Variants in DPYD observed in about 807,000 individuals in gnomAD.
DPYD encodes dihydropyrimidine dehydrogenase [NADP(+)].
DPYD carries 109 observed loss-of-function variants against 116.2 expected under a neutral mutation model. That is an observed-to-expected ratio of 0.94 (90% CI 0.80 to 1.10). The LOEUF (loss-of-function observed/expected upper bound fraction) is 1.10. Ranked by LOEUF, DPYD falls within the 50% of genes least tolerant of loss-of-function variation. The pLI is 0.00. For synonymous variants in DPYD, 440 were observed against 432.0 expected (o/e 1.02, Z -0.23); for missense variants, 1,302 against 1,254.5 (o/e 1.04, Z -0.57).
intron 20 of DPYD, among the ~76,000 whole-genome samples, chr1:97,141,970 G>A (rs747310284): frequency 2.6e-5 from 4 of 152,106 alleles, no homozygotes; most frequent in East Asian, 1.9e-4. Context: ...AACCACACAC[G>A]AAAACTGCTT....
At chr1:97,694,573 T>G (rs1661195001) in intron 6 of DPYD, among the ~76,000 whole-genome samples, 1 of 152,174 alleles carries the variant, frequency 6.6e-6, no homozygotes, top group Admixed American at 6.5e-5. Context: ...TTATCATGCC[T>G]AACAGTAAGC....
At chr1:97,132,369 T>G (rs538073571) in intron 20 of DPYD, among the ~76,000 whole-genome samples, 1 of 152,140 alleles carries the variant, frequency 6.6e-6, no homozygotes, top group Non-Finnish European at 1.5e-5. Context: ...CACTAATCTA[T>G]TCTACCCCAC....
chr1:97,186,927 G>T (rs973416719), intron 20 of DPYD, among the ~76,000 whole-genome samples: 1 of 151,990 alleles, frequency 6.6e-6, no homozygotes, highest in Non-Finnish European at 1.5e-5. Flanking sequence ...TAAAATACAT[G>T]ATTTCATTCT....
intron 20 of DPYD, among the ~76,000 whole-genome samples, chr1:97,142,081 A>T (rs1654266473): frequency 6.6e-6 from 1 of 152,186 alleles, no homozygotes; most frequent in Non-Finnish European, 1.5e-5. Context: ...GAAGCACTCA[A>T]GGTTTATACT....
chr1:97,655,616 C>A (rs1571138578), intron 8 of DPYD, among the ~76,000 whole-genome samples: 1 of 152,120 alleles, frequency 6.6e-6, no homozygotes, highest in South Asian at 2.1e-4. Context: ...ATTTTGGTGA[C>A]AACAATAAAA....
At chr1:97,181,554 A>C (rs1427566765) in intron 20 of DPYD, among the ~76,000 whole-genome samples, 2 of 152,142 alleles carry the variant, frequency 1.3e-5, no homozygotes, top group Non-Finnish European at 2.9e-5. Context: ...TTCAAAAGAC[A>C]AAGATGCTAG....
intron 16 of DPYD, among the ~76,000 whole-genome samples, chr1:97,308,756 T>C (rs1667309397): frequency 6.6e-6 from 1 of 151,870 alleles, no homozygotes; most frequent in African/African-American, 2.4e-5. Flanking sequence ...TTGCCTTTTG[T>C]AACAAGCCAG....
intron 14 of DPYD, among the ~76,000 whole-genome samples, chr1:97,388,083 T>C (rs1158326402): frequency 6.6e-6 from 1 of 152,090 alleles, no homozygotes; most frequent in African/African-American, 2.4e-5. Flanking sequence ...GAGAAGTGGA[T>C]AGTTCTGAGG....
chr1:97,734,939 C>T (rs1343098224), intron 4 of DPYD, among the ~76,000 whole-genome samples: 1 of 152,142 alleles, frequency 6.6e-6, no homozygotes, highest in Non-Finnish European at 1.5e-5. Context: ...ACCTAGGTCC[C>T]ACCTGGAACT....
chr1:97,854,506 T>C (rs1034336894), intron 2 of DPYD, among the ~76,000 whole-genome samples: 2 of 152,220 alleles, frequency 1.3e-5, no homozygotes, highest in Non-Finnish European at 2.9e-5. Context: ...GAGAGAGTTC[T>C]ATTCAGTATC....
chr1:97,793,595 G>C (rs1339298481), intron 3 of DPYD, among the ~76,000 whole-genome samples: 1 of 151,988 alleles, frequency 6.6e-6, no homozygotes, highest in African/African-American at 2.4e-5. Context: ...CAATTCCGTG[G>C]AGAAATGAGT....
intron 18 of DPYD, among the ~76,000 whole-genome samples, chr1:97,276,486 C>A (rs940088351): frequency 2.0e-5 from 3 of 151,780 alleles, no homozygotes; most frequent in African/African-American, 7.3e-5. Flanking sequence ...CATTAAAAAG[C>A]TGGCAAAAGA....
chr1:97,376,254 A>C (rs965037777), intron 15 of DPYD, among the ~76,000 whole-genome samples: 72 of 152,200 alleles, frequency 4.7e-4, no homozygotes, highest in African/African-American at 1.6e-3. Flanking sequence ...AATTTACTAC[A>C]AATCACTTAT....
Position 97,098,584 on chromosome 1 carries a change from C to A in DPYD, c.2671G>T (p.Ala891Ser). 6.2e-7 allele frequency: 1 copy of A among 1,613,050 alleles called. No individual in the cohort carries two copies. The highest frequency in any genetic ancestry group is 1.1e-5 in the South Asian group (1 of 91,056). The change falls in exon 21 of 23, where the codon GCA (alanine) becomes TCA (serine). Residue 891 changes from alanine (A) to serine (S), a missense_variant. Ala to Ser is a moderately conservative substitution (Grantham distance 99). Coordinates refer to ENST00000370192, the MANE Select transcript of DPYD (RefSeq NM_000110.4). ...PYLEQRKKII[A>S]ENKIRLKEQN... is the part of the protein sequence containing the mutation. ...TCTTTCAGTCTAATCTTGTTTTCTG[C>A]TATGATTTTCTTGCGCTGTTCCAGA...
chr1:97,737,485 T>C (rs1354216160), intron 4 of DPYD, among the ~76,000 whole-genome samples: 1 of 152,178 alleles, frequency 6.6e-6, no homozygotes, highest in Non-Finnish European at 1.5e-5. Flanking sequence ...ATTATGTATT[T>C]GGACATTAGT....
At chr1:97,296,498 A>G (rs1666539519) in intron 18 of DPYD, among the ~76,000 whole-genome samples, 1 of 152,314 alleles carries the variant, frequency 6.6e-6, no homozygotes, top group South Asian at 2.1e-4. Context: ...TGATCAAATT[A>G]TTTAAAAAGC....
intron 13 of DPYD, among the ~76,000 whole-genome samples, chr1:97,510,414 G>A (rs1647699098): frequency 6.6e-6 from 1 of 151,944 alleles, no homozygotes; most frequent in East Asian, 1.9e-4. Flanking sequence ...ATGGAAGATA[G>A]AAAACATGTC....
intron 20 of DPYD, among the ~76,000 whole-genome samples, chr1:97,166,328 C>T (rs1015152142): frequency 9.2e-5 from 14 of 152,042 alleles, no homozygotes; most frequent in African/African-American, 3.1e-4. Context: ...GAAAACTAAA[C>T]ACTGCATGTT....
chr1:97,366,291 A>T (rs1671036264), intron 16 of DPYD, among the ~76,000 whole-genome samples: 1 of 152,176 alleles, frequency 6.6e-6, no homozygotes, highest in South Asian at 2.1e-4. Flanking sequence ...TTTTGATTAG[A>T]GATAGTTTTT....
Sources: allele counts gnomAD v4.1 joint callset (sites outside exome capture counted in the v4.1 genomes callset), GRCh38; gene constraint gnomAD v4.1.1; transcripts MANE v1.5; gene names NCBI Gene and HGNC (gene_info 2026-07-23, HGNC 2026-07-21).